The following MUC5B variants were observed in gnomAD, a reference collection of about 807,000 sequenced individuals.
MUC5B encodes the protein mucin-5B.
A neutral mutation model predicts 376.9 loss-of-function variants in MUC5B; 116 were observed. That is an observed-to-expected ratio of 0.31 (90% CI 0.26 to 0.36). The LOEUF (loss-of-function observed/expected upper bound fraction) is 0.36. Among genes scored for constraint, MUC5B ranks in the 10% least tolerant of loss-of-function variants. MUC5B has a pLI of 1.00. For missense variants in MUC5B, 7,165 were observed against 7,769.9 expected, an observed-to-expected ratio of 0.92 and a Z score of 2.93; for synonymous variants, 3,517 against 3,390.9, an observed-to-expected ratio of 1.04 and a Z score of -1.29.
At position 1,242,824 on chromosome 11, in the gene MUC5B, C is replaced by G. The variant is rs2943508; in HGVS notation, c.5944C>G (p.Pro1982Ala). Residue 1982 changes from proline (P) to alanine (A), a missense_variant, in exon 31 of 49, where the codon CCC (proline) becomes GCC (alanine). Pro to Ala is a conservative substitution (Grantham distance 27, BLOSUM62 -1). Transcript: ENST00000529681. Reference sequence around the variant, plus strand: ...CACACCCACAGCTACCAGCGTTACACCCATCCCCTCTTCCTCCCTGGGCAC... The same window carrying G: ...CACACCCACAGCTACCAGCGTTACAGCCATCCCCTCTTCCTCCCTGGGCAC... ...ATTPTATSVT[P>A]IPSSSLGTTW... 4.0e-4 allele frequency: 628 copies of G among 1,579,840 alleles called. No individual in the cohort carries two copies. The highest frequency in any genetic ancestry group is 2.9e-3 in the African/African-American group (218 of 73,938).
rs747830323 is a variant in MUC5B, at chr11:1,241,678, G to A, written c.4798G>A (p.Asp1600Asn). The change falls in exon 31 of 49, where the codon GAC becomes AAC. Residue 1600 changes from aspartate (D) to asparagine (N), a missense_variant. By Grantham distance (23) the Asp-to-Asn change is conservative (BLOSUM62 1). This residue lies in a region of MUC5B where 897 missense variants were observed against 779.6 expected (regional missense o/e 1.15). Transcript: ENST00000529681. ...CAGGATCCGGGTCCTCTGCTGCAGT[G>A]ACGACCACTGCAGGGGACGTGCCAC... is the stretch of plus-strand genomic sequence containing the variant. ...NYRIRVLCCS[D>N]DHCRGRATTP... 1.2e-6 allele frequency: 2 copies of A among 1,612,294 alleles called. No homozygotes were observed. Among genetic ancestry groups the A allele is most frequent in the Non-Finnish European group, 8.5e-7 (1 of 1,179,616 alleles).
At position 1,261,505 on chromosome 11, in the gene MUC5B, A is replaced by G; in HGVS notation, c.17186A>G (p.Tyr5729Cys). ...CPNGSAILHT[Y>C]THVDECGCTP... is the part of the protein sequence containing the mutation. The stretch of plus-strand genomic sequence containing the variant: ...AACGGCTCAGCCATCCTGCACACCT[A>G]CACCCACGTGGATGAGTGTGGCTGC... Residue 5729 changes from tyrosine (Y) to cysteine (C), a missense_variant, in exon 49 of 49, where the codon TAC (tyrosine) becomes TGC (cysteine). By Grantham distance (194) the Tyr-to-Cys change is radical. Transcript: ENST00000529681. 4.4e-6 allele frequency: 7 copies of G among 1,602,484 alleles called. No individual in the cohort carries two copies. The highest frequency in any genetic ancestry group is 6.0e-6 in the Non-Finnish European group (7 of 1,175,674).
intron 1 of MUC5B, among the ~76,000 whole-genome samples, chr11:1,224,403 CAAG>C (rs1861831346): frequency 6.7e-6 from 1 of 150,278 alleles, no homozygotes; most frequent in Admixed American, 6.7e-5. Flanking sequence ...TGGTCCAGCC[CAAG>C]GAGGGCACTG....
Position 1,254,343 on chromosome 11 carries a change from G to A in MUC5B, c.15469G>A (p.Glu5157Lys), listed in dbSNP as rs1230907618. The change falls in exon 34 of 49, where the codon GAG becomes AAG. Residue 5157 changes from glutamate to lysine, a missense_variant. Physicochemically the swap from Glu to Lys is moderately conservative, Grantham distance 56. Transcript: ENST00000529681. ...TGTCACCATGGTGCATGGGAAGGAG[G>A]AGGGCCTGGTGAGTCCAGGCTGCGG... ...LTVTMVHGKE[E>K]GLILFDQIPV... 1.2e-6 allele frequency: 2 copies of A among 1,602,284 alleles called. No individual in the cohort carries two copies. Among genetic ancestry groups the A allele is most frequent in the Non-Finnish European group, 1.7e-6 (2 of 1,179,648 alleles).
intron 7 of MUC5B, 126 bp from the exon 8 acceptor site, chr11:1,228,438 G>T: frequency 1.1e-6 from 1 of 892,228 alleles, no homozygotes; most frequent in Non-Finnish European, 1.7e-6. Context: ...AAGGGGTGGG[G>T]CTGGGTACAA....
intron 19 of MUC5B, 35 bp downstream of exon 19, chr11:1,233,883 C>T (rs1862094828): frequency 1.9e-6 from 3 of 1,553,266 alleles, no homozygotes; most frequent in Non-Finnish European, 2.6e-6. Flanking sequence ...TGCCCTGCCC[C>T]GCCCCGCATC....
Position 1,246,759 on chromosome 11 carries a change from G to C in MUC5B, c.9879G>C (p.Val3293=), listed in dbSNP as rs777294438. 1 of 1,606,542 alleles carries C rather than the reference G, an allele frequency of 6.2e-7. No individual in the cohort carries two copies. The highest frequency in any genetic ancestry group is 1.1e-5 in the South Asian group (1 of 90,648). The part of the protein sequence containing the change: ...TTTTTRATGS[V]ATPSSTPGTA... ...CCACAACCAGGGCCACCGGCTCTGT[G>C]GCCACCCCCTCCTCCACCCCAGGAA... The change falls in exon 31 of 49, where the codon GTG becomes GTC. Residue 3293 remains valine (V), a synonymous_variant. Transcript: ENST00000529681.
At position 1,227,494 on chromosome 11, in the gene MUC5B, G is replaced by A. The variant is rs185919090; in HGVS notation, c.667+96G>A. 1.6e-3 allele frequency: 1,600 copies of A among 973,190 alleles called. 22 individuals carry two copies. In the African/African-American group the frequency reaches 0.023, roughly 14 times the overall value. The allele number at this position is 973,190 out of a possible 1,614,324, so 60.3% of individuals were successfully genotyped here. ...GCCGGGAGGGGGCGGAGTGGGGACC[G>A]GGCACCAGGCAGGGAGGGGCCACGA... On this transcript the variant is annotated intron_variant, in intron 6 of 48. Coordinates refer to ENST00000529681, the MANE Select transcript of MUC5B (RefSeq NM_002458.3).
In MUC5B at chr11:1,241,257, G is replaced by A; in HGVS notation, c.4377G>A (p.Gln1459=). ...AGCCTGCTGTGCCTACCCCAACCCA[G>A]ACCACAGCAACCGAAAAGACCACCC... is the stretch of plus-strand genomic sequence containing the variant. ...STEPAVPTPT[Q]TTATEKTTLW... is the part of the protein sequence containing the mutation. The change falls in exon 31 of 49, where the codon CAG becomes CAA. Residue 1459 remains glutamine (Q), a synonymous_variant. Coordinates refer to ENST00000529681, the MANE Select transcript of MUC5B (RefSeq NM_002458.3). 2 of 1,593,266 alleles carry A rather than the reference G, an allele frequency of 1.3e-6. No homozygotes were observed. The highest frequency in any genetic ancestry group is 1.7e-6 in the Non-Finnish European group (2 of 1,170,152).
Position 1,254,361 on chromosome 11 carries a change from G to C in MUC5B, c.15477+10G>C. The C allele has an allele frequency of 6.3e-7, 1 of 1,598,546 alleles. No homozygotes were observed. On this transcript the variant is annotated intron_variant, in intron 34 of 48. Coordinates refer to ENST00000529681, the MANE Select transcript of MUC5B (RefSeq NM_002458.3). ...GAAGGAGGAGGGCCTGGTGAGTCCA[G>C]GCTGCGGGTGGCACAGTGTTGGCCC... is the stretch of plus-strand genomic sequence containing the variant.
Position 1,241,149 on chromosome 11 carries a change from G to A in MUC5B, c.4269G>A (p.Arg1423=), listed in dbSNP as rs777288429. ...SPPLCHDYEL[R]VLCCEYVPCG... is the part of the protein sequence containing the mutation. The stretch of plus-strand genomic sequence containing the variant: ...CGCTCTGTCACGACTACGAGCTGCG[G>A]GTTCTCTGCTGCGAATACGTGCCCT... The change falls in exon 31 of 49, where the codon CGG becomes CGA. Residue 1423 remains arginine, a synonymous_variant. Transcript: ENST00000529681. 68 of 1,608,082 alleles carry A rather than the reference G, an allele frequency of 4.2e-5. No individual in the cohort carries two copies. Among genetic ancestry groups the A allele is most frequent in the Non-Finnish European group, 5.3e-5 (62 of 1,177,578 alleles).
chr11:1,233,356 G>A (rs1459976408), intron 18 of MUC5B, 88 bp downstream of exon 18: 4 of 1,398,026 alleles, frequency 2.9e-6, no homozygotes, highest in Non-Finnish European at 3.8e-6. Context: ...CTCCCCCCGA[G>A]GGTTCTGAGA....
intron 25 of MUC5B, among the ~76,000 whole-genome samples, chr11:1,238,013 G>A (rs1862193848): frequency 6.6e-6 from 1 of 152,228 alleles, no homozygotes; most frequent in Admixed American, 6.5e-5. Context: ...TCGCTCGTGG[G>A]AGGCCCTGAA....
chr11:1,244,694 C>G lies in MUC5B; in HGVS notation c.7814C>G (p.Thr2605Ser), dbSNP rs761519889. ...TPSSTPGTAH[T>S]TKVLTTTTTG... ...TCCTCCACCCCAGGAACAGCTCACA[C>G]TACCAAAGTGCTGACTACCACAACC... The change falls in exon 31 of 49, where the codon ACT becomes AGT. Residue 2605 changes from threonine to serine, a missense_variant. Transcript: ENST00000529681. The G allele has an allele frequency of 5.0e-6, 8 of 1,612,798 alleles. No individual in the cohort carries two copies. The highest frequency in any genetic ancestry group is 6.8e-6 in the Non-Finnish European group (8 of 1,179,186).
In MUC5B at chr11:1,250,821, C is replaced by T. The variant is rs751829746; in HGVS notation, c.13941C>T (p.His4647=). Residue 4647 remains histidine, a synonymous_variant, in exon 31 of 49, where the codon CAC becomes CAT. Transcript: ENST00000529681. ...CCTCCTCCATCCCGGGGACCACCCA[C>T]ACCGCCAGAGTGCTGACCACCACCA... The part of the protein sequence containing the change: ...VTPSSIPGTT[H]TARVLTTTTT... 5 of 1,613,356 alleles carry T rather than the reference C, an allele frequency of 3.1e-6. No individual in the cohort carries two copies. Among genetic ancestry groups the T allele is most frequent in the South Asian group, 1.1e-5 (1 of 91,052 alleles).
chr11:1,242,937 C>G lies in MUC5B; in HGVS notation c.6057C>G (p.Thr2019=). The G allele has an allele frequency of 6.2e-7, 1 of 1,613,036 alleles. No individual in the cohort carries two copies. The highest frequency in any genetic ancestry group is 8.5e-7 in the Non-Finnish European group (1 of 1,179,290). ...CCTCCACTCCAGAGACTGCCCACACCTCCACAGTGCTTACCGCCACGGCCA... is the reference window on the plus strand; with the variant it reads ...CCTCCACTCCAGAGACTGCCCACACGTCCACAGTGCTTACCGCCACGGCCA... ...TPSSTPETAH[T]STVLTATATT... is the part of the protein sequence containing the mutation. The change falls in exon 31 of 49, where the codon ACC becomes ACG. Residue 2019 remains threonine (T), a synonymous_variant. Coordinates refer to ENST00000529681, the MANE Select transcript of MUC5B (RefSeq NM_002458.3).
At chr11:1,260,534 G>A in intron 47 of MUC5B, 92 bp from the exon 48 acceptor site, 1 of 1,441,970 alleles carries the variant, frequency 6.9e-7, no homozygotes, top group South Asian at 1.2e-5. Context: ...GGCCATGGGA[G>A]GGGTGGTCCC....
rs1450137663 is a variant in MUC5B, at chr11:1,246,554, TGA to T, written c.9677_9678del (p.Arg3226LysfsTer154). 1 of 1,612,168 alleles carries T rather than the reference TGA, an allele frequency of 6.2e-7. No individual in the cohort carries two copies. The highest frequency in any genetic ancestry group is 8.5e-7 in the Non-Finnish European group (1 of 1,179,434). On this transcript the variant is annotated frameshift_variant, in exon 31 of 49. Coordinates refer to ENST00000529681, the MANE Select transcript of MUC5B (RefSeq NM_002458.3). LOFTEE classifies it high-confidence loss of function. ...GGGACTGCAACCGCCCTTCCAGCAC[TGA>T]GAAGCACAGCCACCACACCCACAGC...
In MUC5B at chr11:1,226,787, C is replaced by A. The variant is rs1157314667; in HGVS notation, c.372C>A (p.Gly124=). 2.5e-6 allele frequency: 4 copies of A among 1,612,208 alleles called. No homozygotes were observed. Among genetic ancestry groups the A allele is most frequent in the Admixed American group, 1.7e-5 (1 of 59,988 alleles). Residue 124 remains glycine, a synonymous_variant, in exon 4 of 49, where the codon GGC becomes GGA. Transcript: ENST00000529681. ...TCCAGCTACGCCGAGGCCTAGTGGG[C>A]TCCAGGCCTGTGGTCACCCGTGTTG... The part of the protein sequence containing the change: ...FNVQLRRGLV[G]SRPVVTRVVI...
Sources: allele counts gnomAD v4.1 joint callset (sites outside exome capture counted in the v4.1 genomes callset), GRCh38; gene constraint gnomAD v4.1.1; regional missense constraint gnomAD v4.1.1; transcripts MANE v1.5; gene names NCBI Gene and HGNC (gene_info 2026-07-23, HGNC 2026-07-21).